CAST: variants seen among roughly 807,000 people sequenced by gnomAD.
CAST encodes MIR583 host.
In CAST, 76 loss-of-function variants were observed where a neutral mutation model predicts 119.6. That is an observed-to-expected ratio of 0.64 (90% confidence interval 0.53 to 0.77). CAST has a LOEUF of 0.77. Among genes scored for constraint, CAST ranks in the 30% least tolerant of loss-of-function variants. The probability of loss-of-function intolerance (pLI) is 0.00; values close to 1 mark genes in which losing one functional copy is unlikely to be tolerated. For synonymous variants in CAST, 319 were observed against 331.6 expected (o/e 0.96, Z 0.41); for missense variants, 953 against 946.5 (o/e 1.01, Z -0.09).
the CAST span, among the ~76,000 whole-genome samples, chr5:96,271,037 C>T: frequency 6.6e-6 from 1 of 151,716 alleles, no homozygotes; most frequent in African/African-American, 2.4e-5. Context: ...TTTACAATAT[C>T]TACAAATAAT....
chr5:96,050,967 A>T, the CAST span, among the ~76,000 whole-genome samples: 5 of 152,140 alleles, frequency 3.3e-5, no homozygotes, highest in African/African-American at 1.2e-4. Context: ...ATGGGAACAC[A>T]GAATAAATTT....
the CAST span, among the ~76,000 whole-genome samples, chr5:95,968,458 C>A: frequency 1.3e-5 from 2 of 152,304 alleles, no homozygotes; most frequent in East Asian, 3.9e-4. Flanking sequence ...GAAAGATTTA[C>A]AGTTGATATA....
chr5:96,348,990 G>A, the CAST span, among the ~76,000 whole-genome samples: 1 of 152,036 alleles, frequency 6.6e-6, no homozygotes, highest in Non-Finnish European at 1.5e-5. Flanking sequence ...GGTTTCTGAA[G>A]AGTAAAATGA....
At chr5:96,396,381 T>G in the CAST span, among the ~76,000 whole-genome samples, 1 of 152,020 alleles carries the variant, frequency 6.6e-6, no homozygotes, top group Non-Finnish European at 1.5e-5. Context: ...ACCAACATGG[T>G]GAAACCCCAT....
At chr5:96,349,698 C>A in the CAST span, among the ~76,000 whole-genome samples, 8 of 152,180 alleles carry the variant, frequency 5.3e-5, no homozygotes, top group East Asian at 1.5e-3. Context: ...AGTAGATTGA[C>A]CTGTAGTTGT....
the CAST span, among the ~76,000 whole-genome samples, chr5:96,063,867 T>G: frequency 3.3e-5 from 5 of 152,202 alleles, no homozygotes; most frequent in Non-Finnish European, 5.9e-5. Context: ...TTTATCATTC[T>G]GCCTCCTACT....
chr5:96,752,004 G>T (rs1765170092), intron 20 of CAST, among the ~76,000 whole-genome samples: 1 of 152,134 alleles, frequency 6.6e-6, no homozygotes, highest in South Asian at 2.1e-4. Flanking sequence ...TGACACCCTC[G>T]AACGCCAGAA....
At chr5:96,446,676 C>A in the CAST span, among the ~76,000 whole-genome samples, 1 of 152,130 alleles carries the variant, frequency 6.6e-6, no homozygotes, top group African/African-American at 2.4e-5. Context: ...TATTCAAGAT[C>A]CAGTTTCTTT....
At chr5:96,288,408 C>T in the CAST span, among the ~76,000 whole-genome samples, 1 of 152,068 alleles carries the variant, frequency 6.6e-6, no homozygotes, top group Non-Finnish European at 1.5e-5. Flanking sequence ...ATTATGACTA[C>T]CACTTAAAAA....
upstream of CAST, among the ~76,000 whole-genome samples, chr5:96,660,102 G>T (rs534059518): frequency 6.6e-6 from 1 of 152,282 alleles, no homozygotes; most frequent in South Asian, 2.1e-4. Context: ...CACAAACAAT[G>T]AGCTGGTGAA....
the CAST span, among the ~76,000 whole-genome samples, chr5:96,171,420 G>A: frequency 6.6e-6 from 1 of 152,166 alleles, no homozygotes; most frequent in Non-Finnish European, 1.5e-5. Context: ...AGAAAAGAGA[G>A]GGTAGAGACA....
Position 96,561,786 on chromosome 5 carries a change from G to GTTTTTTTTTTGT in CAST, c.60+31915_60+31916insTGTTTTTTTTTT, listed in dbSNP as rs1554067776. 7.5e-4 allele frequency among the ~76,000 whole-genome samples: 79 copies of GTTTTTTTTTTGT among 105,436 alleles called. 5 individuals carry two copies. Among genetic ancestry groups the GTTTTTTTTTTGT allele is most frequent in the African/African-American group, 2.5e-3 (73 of 28,668 alleles). 69.2% of individuals were successfully genotyped at this position (105,436 alleles called of 152,430 possible). On this transcript the variant is annotated intron_variant, in intron 1 of 11. Transcript: ENST00000505143. The stretch of plus-strand genomic sequence containing the variant: ...ATGTATATATGTGTATTATATATAT[G>GTTTTTTTTTTGT]TTTTTTTTTGTTTTTTTTTTTTTTG...
chr5:96,748,718 T>C (rs999305622), intron 19 of CAST, 105 bp downstream of exon 19: 3 of 573,142 alleles, frequency 5.2e-6, no homozygotes, highest in Admixed American at 6.6e-5. Flanking sequence ...GAAAGCCCAA[T>C]ATGCCATCGT....
At chr5:96,641,669 G>GAAAGGGAGAT (rs1275204335) in intron 1 of CAST, among the ~76,000 whole-genome samples, 2 of 152,082 alleles carry the variant, frequency 1.3e-5, no homozygotes, top group Non-Finnish European at 2.9e-5. Flanking sequence ...CCTGAAACAT[G>GAAAGGGAGAT]CCTGGCTCTC....
At chr5:96,684,460 T>C (rs972554822) in intron 2 of CAST, among the ~76,000 whole-genome samples, 2 of 152,190 alleles carry the variant, frequency 1.3e-5, no homozygotes, top group African/African-American at 4.8e-5. Flanking sequence ...TGAGGGAAGT[T>C]TGATAGTTTA....
chr5:96,413,600 G>C, the CAST span, among the ~76,000 whole-genome samples: 3,670 of 151,452 alleles, frequency 0.024, 152 homozygotes, highest in African/African-American at 0.084. Flanking sequence ...AGGAGTTCAA[G>C]ACCAGCCTGG....
chr5:96,016,928 C>T, the CAST span, among the ~76,000 whole-genome samples: 2 of 151,000 alleles, frequency 1.3e-5, no homozygotes, highest in Non-Finnish European at 2.9e-5. Context: ...GCTCTGCCTC[C>T]TGGGTTCACA....
the CAST span, among the ~76,000 whole-genome samples, chr5:96,451,941 A>G: frequency 8.5e-5 from 13 of 152,368 alleles, no homozygotes; most frequent in Admixed American, 2.0e-4. Context: ...CCGCAATGAG[A>G]TACTATCTCA....
chr5:96,380,103 A>G, the CAST span, among the ~76,000 whole-genome samples: 3,476 of 152,246 alleles, frequency 0.023, 142 homozygotes, highest in African/African-American at 0.078. Context: ...GGAAGTCCTG[A>G]TATCTTTTCA....
Sources: gnomAD v4.1 joint callset for allele counts (sites outside exome capture counted in the v4.1 genomes callset) on GRCh38, gnomAD v4.1.1 for gene constraint, MANE v1.5 for transcripts, NCBI Gene and HGNC (gene_info 2026-07-23, HGNC 2026-07-21) for gene names.